The following ADGRD1 variants were observed in gnomAD, a reference collection of about 807,000 sequenced individuals.
ADGRD1 encodes adhesion G protein-coupled receptor D1, also known as G-protein coupled receptor 133.
In ADGRD1, 77 loss-of-function variants were observed where a neutral mutation model predicts 113.4. The observed-to-expected ratio is 0.68, with a 90% CI of 0.57 to 0.82. The LOEUF (loss-of-function observed/expected upper bound fraction) is 0.82, where lower values mean the gene tolerates loss of function less well. Among genes scored for constraint, ADGRD1 ranks in the 40% least tolerant of loss-of-function variants. The pLI is 0.00. For synonymous variants in ADGRD1, 474 were observed against 475.0 expected (o/e 1.00, Z 0.03); for missense variants, 1,036 against 1,139.1 (o/e 0.91, Z 1.30).
At chr12:131,007,353 A>G (rs879516928) in intron 12 of ADGRD1, among the ~76,000 whole-genome samples, 1 of 152,232 alleles carries the variant, frequency 6.6e-6, no homozygotes, top group Non-Finnish European at 1.5e-5. Context: ...CTGCCTTCCA[A>G]TACAGCTTTA....
intron 15 of ADGRD1, among the ~76,000 whole-genome samples, chr12:131,103,816 A>G (rs1292232030): frequency 1.3e-5 from 2 of 152,140 alleles, no homozygotes; most frequent in East Asian, 1.9e-4. Context: ...AGCATGATGC[A>G]GGCTTCAGGC....
intron 13 of ADGRD1, among the ~76,000 whole-genome samples, chr12:131,074,181 C>T (rs1885399045): frequency 1.3e-5 from 2 of 152,112 alleles, no homozygotes; most frequent in Non-Finnish European, 2.9e-5. Flanking sequence ...TTTGCTTCTC[C>T]CTGACTGGAA....
intron 15 of ADGRD1, among the ~76,000 whole-genome samples, chr12:131,097,089 C>A (rs1467647617): frequency 6.6e-6 from 1 of 152,202 alleles, no homozygotes; most frequent in Non-Finnish European, 1.5e-5. Context: ...ACCTCACTAC[C>A]CCTATGAGGT....
intron 13 of ADGRD1, 21 bp from the exon 14 acceptor site, chr12:131,076,780 G>A: frequency 6.2e-7 from 1 of 1,611,422 alleles, no homozygotes. Context: ...CATGCATCGT[G>A]TTTGCTTTCT....
chr12:131,048,883 G>T (rs1309561361), intron 13 of ADGRD1, among the ~76,000 whole-genome samples: 2 of 152,130 alleles, frequency 1.3e-5, no homozygotes, highest in African/African-American at 2.4e-5. Context: ...AGCTGGTGGG[G>T]AAGAAGCCTG....
intron 4 of ADGRD1, among the ~76,000 whole-genome samples, chr12:130,972,340 C>T (rs959109499): frequency 3.3e-5 from 5 of 152,108 alleles, no homozygotes; most frequent in African/African-American, 9.7e-5. Context: ...TAATGCAGTC[C>T]TCGTAGGAAG....
At chr12:130,994,826 C>T (rs76033748) in intron 8 of ADGRD1, among the ~76,000 whole-genome samples, 3,796 of 152,266 alleles carry the variant, frequency 0.025, 158 homozygotes, top group African/African-American at 0.087. Context: ...ATGGATGTGC[C>T]GGGCATTGCC....
intron 12 of ADGRD1, among the ~76,000 whole-genome samples, chr12:131,006,884 C>T (rs972754651): frequency 6.6e-6 from 1 of 152,160 alleles, no homozygotes; most frequent in Non-Finnish European, 1.5e-5. Flanking sequence ...TTCCAAAATT[C>T]TTCAGGAAAA....
rs544575535 is a variant in ADGRD1, at chr12:131,110,832, T to C, written c.2041+1955T>C. On this transcript the variant is annotated intron_variant, in intron 18 of 24. Transcript: ENST00000261654. ...TGTCTGCTAGCAACAGATTCATTTG[T>C]TGTTTATCTGGAAATCCCTTTATTT... Among the ~76,000 whole-genome samples the C allele has an allele frequency of 2.0e-5, 3 of 152,374 alleles. No homozygotes were observed. In the South Asian group the frequency reaches 6.2e-4, roughly 32 times the overall value.
At chr12:131,043,115 C>G (rs1882308998) in intron 13 of ADGRD1, among the ~76,000 whole-genome samples, 1 of 152,234 alleles carries the variant, frequency 6.6e-6, no homozygotes, top group Non-Finnish European at 1.5e-5. Flanking sequence ...GAGCAAAGAG[C>G]AAAGTGCAGG....
intron 23 of ADGRD1, chr12:131,137,822 A>G (rs891996107): frequency 3.3e-5 from 1 of 30,232 alleles, no homozygotes; most frequent in African/African-American, 1.3e-4. Context: ...CCGCCCGCCC[A>G]CCCGCCTGCC....
chr12:131,043,224 C>T (rs943491879), intron 13 of ADGRD1, among the ~76,000 whole-genome samples: 2 of 152,204 alleles, frequency 1.3e-5, no homozygotes, highest in Admixed American at 6.5e-5. Flanking sequence ...GCCTCCTGTC[C>T]GGGTTCATTG....
At chr12:131,077,484 C>T (rs547258870) in intron 14 of ADGRD1, among the ~76,000 whole-genome samples, 102 of 152,316 alleles carry the variant, frequency 6.7e-4, no homozygotes, top group African/African-American at 2.2e-3. Flanking sequence ...GGCTCACCTG[C>T]CCAATGTCTG....
intron 20 of ADGRD1, among the ~76,000 whole-genome samples, chr12:131,122,225 G>C (rs950621041): frequency 6.6e-6 from 1 of 152,144 alleles, no homozygotes; most frequent in Non-Finnish European, 1.5e-5. Context: ...GCCACGAGCC[G>C]AGGGCAGGGA....
chr12:130,996,630 C>T (rs1161010946), intron 8 of ADGRD1, among the ~76,000 whole-genome samples: 29 of 101,398 alleles, frequency 2.9e-4, no homozygotes, highest in East Asian at 8.1e-4. Flanking sequence ...CCTCACCTCC[C>T]GGACGAGGCG....
Position 131,050,215 on chromosome 12 carries a change from A to ATTG in ADGRD1, c.1474-26585_1474-26584insTGT, listed in dbSNP as rs1593122953. On this transcript the variant is annotated intron_variant, in intron 13 of 24. Coordinates refer to ENST00000261654, the MANE Select transcript of ADGRD1 (RefSeq NM_198827.5). The surrounding 1 kb of genome is among the most constrained non-coding windows in gnomAD (Gnocchi z 4.8). Reference sequence around the variant, plus strand: ...GTCTCAAGTTGAAATCACCATCGTCATCGTCATCATCATCATCATCATCAA... The same window carrying ATTG: ...GTCTCAAGTTGAAATCACCATCGTCATTGTCGTCATCATCATCATCATCATCAA... Among the ~76,000 whole-genome samples the ATTG allele has an allele frequency of 9.9e-6, 1 of 101,342 alleles. No individual in the cohort carries two copies. Among genetic ancestry groups the ATTG allele is most frequent in the Non-Finnish European group, 2.4e-5 (1 of 41,078 alleles). The allele number at this position is 101,342 out of a possible 152,430, so 66.5% of individuals were successfully genotyped here.
At chr12:131,056,388 TCTC>T (rs1251560571) in intron 13 of ADGRD1, among the ~76,000 whole-genome samples, 2 of 152,186 alleles carry the variant, frequency 1.3e-5, no homozygotes, top group Non-Finnish European at 1.5e-5. Context: ...TAAAGAATGT[TCTC>T]CTAAAGCTCA....
intron 13 of ADGRD1, among the ~76,000 whole-genome samples, chr12:131,052,272 A>G (rs1727347): frequency 0.53 from 80,489 of 152,026 alleles, 24,803 homozygotes; most frequent in East Asian, 0.89. Context: ...CCCTGCACCG[A>G]GTCCCACCCT....
At position 131,084,637 on chromosome 12, in the gene ADGRD1, A is replaced by T. The variant is rs1484470803; in HGVS notation, c.1645A>T (p.Ile549Phe). Residue 549 changes from isoleucine (I) to phenylalanine (F), a missense_variant, in exon 15 of 25, where the codon ATC becomes TTC. Physicochemically the swap from Ile to Phe is conservative, Grantham distance 21. Coordinates refer to ENST00000261654, the MANE Select transcript of ADGRD1 (RefSeq NM_198827.5). The surrounding 1 kb of genome is among the most constrained non-coding windows in gnomAD (Gnocchi z 4.5). ...CRCTHLTNFA[I>F]LMQVVPLELA... is the part of the protein sequence containing the mutation. ...CTGCACTCACCTCACCAACTTTGCC[A>T]TCCTCATGCAGGTGGTCCCGCTGGA... The T allele has an allele frequency of 6.2e-7, 1 of 1,614,070 alleles. No homozygotes were observed. Among genetic ancestry groups the T allele is most frequent in the Middle Eastern group, 1.6e-4 (1 of 6,062 alleles).
Sources: gnomAD v4.1 joint callset for allele counts (sites outside exome capture counted in the v4.1 genomes callset) on GRCh38, gnomAD v4.1.1 for gene constraint, Gnocchi (gnomAD v3.1) non-coding constraint, MANE v1.5 for transcripts, NCBI Gene and HGNC (gene_info 2026-07-23, HGNC 2026-07-21) for gene names.